The following ETNK2 variants were observed in gnomAD, a reference collection of about 807,000 sequenced individuals.
ETNK2 encodes the protein ethanolamine kinase 2, also known as ethanolamine kinase-like protein.
ETNK2 carries 33 observed loss-of-function variants against 46.2 expected under a neutral mutation model. That is an observed-to-expected ratio of 0.71 (90% CI 0.54 to 0.96). ETNK2 has a LOEUF of 0.96. ETNK2 is among the 40% of genes least tolerant of loss of function. ETNK2 has a pLI of 0.00. For synonymous variants in ETNK2, 194 were observed against 209.0 expected, an observed-to-expected ratio of 0.93 and a Z score of 0.62; for missense variants, 445 against 509.7, an observed-to-expected ratio of 0.87 and a Z score of 1.22.
intron 5 of ETNK2, among the ~76,000 whole-genome samples, chr1:204,139,488 T>C (rs574231951): frequency 1.3e-5 from 2 of 152,318 alleles, no homozygotes; most frequent in East Asian, 3.9e-4. Flanking sequence ...TTTCCTCCAA[T>C]GAGACTTGGA....
intron 1 of ETNK2, among the ~76,000 whole-genome samples, chr1:204,150,751 C>G (rs939645796): frequency 6.6e-6 from 1 of 152,128 alleles, no homozygotes; most frequent in Non-Finnish European, 1.5e-5. Context: ...CAAACTGGGC[C>G]TTTTATTTTG....
intron 4 of ETNK2, 33 bp downstream of exon 4, chr1:204,141,282 C>T (rs1657518616): frequency 1.2e-6 from 2 of 1,613,810 alleles, no homozygotes; most frequent in Non-Finnish European, 1.7e-6. Flanking sequence ...CAACCAAAAC[C>T]CTGCTGCTGC....
chr1:204,133,777 C>T (rs947261667), intron 7 of ETNK2, among the ~76,000 whole-genome samples: 5 of 152,084 alleles, frequency 3.3e-5, no homozygotes, highest in African/African-American at 1.2e-4. Flanking sequence ...GTGATCCACC[C>T]GCCTCAGCCT....
chr1:204,147,083 T>C (rs548062993), intron 2 of ETNK2: 5 of 476,876 alleles, frequency 1.0e-5, no homozygotes, highest in African/African-American at 1.9e-5. Flanking sequence ...AGTGTACCCA[T>C]AGCAACTCCT....
At chr1:204,137,738 A>C (rs562070152) in intron 5 of ETNK2, among the ~76,000 whole-genome samples, 10 of 152,268 alleles carry the variant, frequency 6.6e-5, no homozygotes, top group Admixed American at 6.5e-4. Context: ...TAGGGATATC[A>C]AACATGGCTT....
chr1:204,151,989 G>T lies in ETNK2; in HGVS notation c.-137C>A. 1 of 951,072 alleles carries T rather than the reference G, an allele frequency of 1.1e-6. No homozygotes were observed. The highest frequency in any genetic ancestry group is 1.4e-6 in the Non-Finnish European group (1 of 728,734). The allele number at this position is 951,072 out of a possible 1,614,324, so 58.9% of individuals were successfully genotyped here. On this transcript the variant is annotated 5_prime_UTR_variant, in exon 1 of 8. Coordinates refer to ENST00000367202, the MANE Select transcript of ETNK2 (RefSeq NM_018208.4). This position sits in a 1 kb window ranked among gnomAD's most constrained non-coding sequence, Gnocchi z 8.0. ...CGCGAGCTGCCCGCTTCGATCGCCG[G>T]CTCGCGGCCCGCCGCCCACCGCCGA...
In ETNK2 at chr1:204,132,100, G is replaced by A; in HGVS notation, c.*84C>T. 2.7e-6 allele frequency: 3 copies of A among 1,107,552 alleles called. No homozygotes were observed. Among genetic ancestry groups the A allele is most frequent in the Admixed American group, 2.0e-5 (1 of 50,444 alleles). The allele number at this position is 1,107,552 out of a possible 1,614,324, so 68.6% of individuals were successfully genotyped here. A position where few individuals can be genotyped will look rare whatever the true frequency, so the allele number is the denominator to read the frequency against. ...GTGTCCCCTCTCCCACCCTGTCCAA[G>A]GGTGTGGATCCCAGAGTGCAGAATT... is the stretch of plus-strand genomic sequence containing the variant. On this transcript the variant is annotated 3_prime_UTR_variant, in exon 8 of 8. Transcript: ENST00000367202.
intron 7 of ETNK2, among the ~76,000 whole-genome samples, chr1:204,133,826 C>T (rs567901391): frequency 1.6e-4 from 25 of 152,318 alleles, no homozygotes; most frequent in African/African-American, 5.3e-4. Flanking sequence ...CCACCGCGCC[C>T]GGCCTCACCG....
chr1:204,149,798 G>T lies in ETNK2; in HGVS notation c.423C>A (p.Pro141=). The T allele has an allele frequency of 6.2e-7, 1 of 1,608,050 alleles. No homozygotes were observed. The highest frequency in any genetic ancestry group is 1.1e-5 in the South Asian group (1 of 89,498). Residue 141 remains proline, a synonymous_variant, in exon 2 of 8, where the codon CCC becomes CCA. Coordinates refer to ENST00000367202, the MANE Select transcript of ETNK2 (RefSeq NM_018208.4). ...CATTCTGGAAGGTGCAGTAGAGTTTGGGGGCACAGCTGTGTGCTCGCAGCA... is the reference window on the plus strand; with the variant it reads ...CATTCTGGAAGGTGCAGTAGAGTTTTGGGGCACAGCTGTGTGCTCGCAGCA... ...FQLLRAHSCA[P]KLYCTFQNGL... is the part of the protein sequence containing the mutation.
chr1:204,150,803 A>G (rs1657972465), intron 1 of ETNK2, among the ~76,000 whole-genome samples: 1 of 152,134 alleles, frequency 6.6e-6, no homozygotes, highest in African/African-American at 2.4e-5. Context: ...GTCAGCCTCC[A>G]CACTTGGTTA....
intron 2 of ETNK2, 91 bp from the exon 3 acceptor site, chr1:204,146,855 C>T (rs751091921): frequency 1.4e-4 from 218 of 1,536,996 alleles, no homozygotes; most frequent in Non-Finnish European, 1.9e-4. Context: ...ACCCTCCAGG[C>T]CCACCAGGGC....
At chr1:204,138,881 A>C (rs1323205130) in intron 5 of ETNK2, 1 of 152,056 alleles carries the variant, frequency 6.6e-6, no homozygotes, top group Non-Finnish European at 1.5e-5. Context: ...TGTGCATACT[A>C]TGCCTTTATA....
At chr1:204,147,749 T>A (rs1057320418) in intron 2 of ETNK2, among the ~76,000 whole-genome samples, 2 of 152,206 alleles carry the variant, frequency 1.3e-5, no homozygotes, top group African/African-American at 4.8e-5. Context: ...CATACCCTAC[T>A]GGGATAACAG....
chr1:204,140,110 G>T lies in ETNK2; in HGVS notation c.793C>A (p.Arg265=). 6.2e-7 allele frequency: 1 copy of T among 1,613,396 alleles called. No homozygotes were observed. The highest frequency in any genetic ancestry group is 1.3e-5 in the African/African-American group (1 of 75,004). The part of the protein sequence containing the change: ...IIYDSIKGHV[R]FIDYEYAGYN... The stretch of plus-strand genomic sequence containing the variant: ...CCAGCATATTCATAGTCAATGAACC[G>T]CACGTGACCTATGAAGTAGAGGAGA... The change falls in exon 5 of 8, where the codon CGG becomes AGG. Residue 265 remains arginine, a synonymous_variant. Coordinates refer to ENST00000367202, the MANE Select transcript of ETNK2 (RefSeq NM_018208.4).
intron 7 of ETNK2, among the ~76,000 whole-genome samples, chr1:204,133,941 A>G (rs1261817363): frequency 6.6e-6 from 1 of 152,198 alleles, no homozygotes; most frequent in Non-Finnish European, 1.5e-5. Flanking sequence ...AAGGCCCTGG[A>G]CCAGAATGGA....
At chr1:204,138,071 G>A (rs1175420843) in intron 5 of ETNK2, among the ~76,000 whole-genome samples, 1 of 152,166 alleles carries the variant, frequency 6.6e-6, no homozygotes, top group Non-Finnish European at 1.5e-5. Context: ...TATCCCTGGA[G>A]AAACATACAC....
intron 2 of ETNK2, among the ~76,000 whole-genome samples, chr1:204,148,569 GAC>G (rs61199759): frequency 0.17 from 24,880 of 144,942 alleles, 2,075 homozygotes; most frequent in Admixed American, 0.22. Flanking sequence ...ACACCCTCAA[GAC>G]ACACACACAC....
In ETNK2 at chr1:204,140,087, A is replaced by G. The variant is rs200739096; in HGVS notation, c.816T>C (p.Ala272=). ...GHVRFIDYEY[A]GYNYQAFDIG... is the part of the protein sequence containing the mutation. ...TGTCAAAAGCTTGGTAGTTGTAGCC[A>G]GCATATTCATAGTCAATGAACCGCA... The change falls in exon 5 of 8, where the codon GCT becomes GCC. Residue 272 remains alanine, a synonymous_variant. Transcript: ENST00000367202. 1.5e-4 allele frequency: 242 copies of G among 1,613,982 alleles called. 3 individuals carry two copies. The East Asian group carries it at 4.9e-3, about 32-fold the overall frequency.
chr1:204,134,572 CAGA>C lies in ETNK2; in HGVS notation c.1028_1030del (p.Phe343del), dbSNP rs1657207658. ...GTTCTGGATGAGGGCCCAGAGAGCC[CAGA>C]AGAAGTGAGACGCCTGGAAACAGAC... On this transcript the variant is annotated inframe_deletion, in exon 7 of 8. Transcript: ENST00000367202. The C allele has an allele frequency of 1.2e-6, 2 of 1,613,978 alleles. No individual in the cohort carries two copies. The highest frequency in any genetic ancestry group is 1.7e-6 in the Non-Finnish European group (2 of 1,179,894).
Sources: allele counts gnomAD v4.1 joint callset (sites outside exome capture counted in the v4.1 genomes callset), GRCh38; gene constraint gnomAD v4.1.1; non-coding constraint Gnocchi (gnomAD v3.1); transcripts MANE v1.5; gene names NCBI Gene and HGNC (gene_info 2026-07-23, HGNC 2026-07-21).